The following GBE1 variants were observed in gnomAD, a reference collection of about 807,000 sequenced individuals.
The protein encoded by GBE1 is 1,4-alpha-glucan branching enzyme 1.
A neutral mutation model predicts 88.8 loss-of-function variants in GBE1; 70 were observed. The ratio of observed to expected loss-of-function variants is 0.79; its 90% CI spans 0.65 to 0.96. The LOEUF is 0.96. Among genes scored for constraint, GBE1 ranks in the 40% least tolerant of loss-of-function variants. GBE1 has a pLI of 0.00. For missense variants in GBE1, 872 were observed against 871.0 expected (o/e 1.00, Z -0.01); for synonymous variants, 284 against 300.1 (o/e 0.95, Z 0.56).
intron 2 of GBE1, among the ~76,000 whole-genome samples, chr3:81,691,305 G>A (rs180869181): frequency 1.2e-4 from 19 of 152,134 alleles, no homozygotes; most frequent in African/African-American, 4.6e-4. Flanking sequence ...AGAAAAAGGA[G>A]AACAAAAATG....
Position 81,680,664 on chromosome 3 carries a change from G to GC in GBE1, c.314-9712dup, listed in dbSNP as rs1311963088. Among the ~76,000 whole-genome samples, 3 of 152,040 alleles carry GC rather than the reference G, an allele frequency of 2.0e-5. No individual in the cohort carries two copies. The East Asian group carries it at 5.8e-4, about 29-fold the overall frequency. ...AGTATTATGGACTGAAAGTTTGTAT[G>GC]CCCCCCAAATTCATGTTAAAATCCT... On this transcript the variant is annotated intron_variant, in intron 2 of 15. Transcript: ENST00000429644.
chr3:81,707,696 A>G (rs1349939754), intron 1 of GBE1, among the ~76,000 whole-genome samples: 1 of 152,084 alleles, frequency 6.6e-6, no homozygotes, highest in Non-Finnish European at 1.5e-5. Flanking sequence ...TCATCATTAT[A>G]CTTTTTAATT....
intron 1 of GBE1, chr3:81,743,490 T>A: frequency 9.4e-7 from 1 of 1,065,812 alleles, no homozygotes; most frequent in Non-Finnish European, 1.4e-6. Flanking sequence ...AGAGAATCAA[T>A]CTTTCCAACC....
intron 7 of GBE1, chr3:81,613,011 G>A (rs2106995734): frequency 1.8e-6 from 1 of 545,554 alleles, no homozygotes; most frequent in East Asian, 6.5e-5. Context: ...AGGGGATAAG[G>A]ATGAAGGTGA....
At chr3:81,653,279 C>T (rs1424694668) in intron 3 of GBE1, among the ~76,000 whole-genome samples, 1 of 151,908 alleles carries the variant, frequency 6.6e-6, no homozygotes, top group Non-Finnish European at 1.5e-5. Flanking sequence ...GCCTGGGCAA[C>T]ATAAGGAGAC....
intron 3 of GBE1, among the ~76,000 whole-genome samples, chr3:81,659,138 T>C (rs1414252293): frequency 6.6e-6 from 1 of 151,970 alleles, no homozygotes; most frequent in Non-Finnish European, 1.5e-5. Context: ...GTAAACAGAG[T>C]TATAATCTGG....
intron 12 of GBE1, among the ~76,000 whole-genome samples, chr3:81,542,440 T>G (rs1559639437): frequency 6.6e-6 from 1 of 152,090 alleles, no homozygotes; most frequent in Non-Finnish European, 1.5e-5. Flanking sequence ...ATTTCCCAAG[T>G]TTTGAACACT....
At chr3:81,574,690 G>A (rs1559649616) in intron 12 of GBE1, among the ~76,000 whole-genome samples, 2 of 152,144 alleles carry the variant, frequency 1.3e-5, no homozygotes, top group South Asian at 2.1e-4. Flanking sequence ...TGCAAACTGA[G>A]GCATGTCCCT....
At chr3:81,761,139 G>C (rs920505701) in intron 1 of GBE1, among the ~76,000 whole-genome samples, 2 of 152,256 alleles carry the variant, frequency 1.3e-5, no homozygotes. Context: ...AGAGGGGAAA[G>C]GGGATGAGGA....
At chr3:81,667,562 A>C (rs1184595074) in intron 3 of GBE1, among the ~76,000 whole-genome samples, 6 of 152,138 alleles carry the variant, frequency 3.9e-5, no homozygotes. Flanking sequence ...TGCCCATTCA[A>C]TATGATATTA....
intron 2 of GBE1, among the ~76,000 whole-genome samples, chr3:81,681,626 A>G (rs2107131094): frequency 6.6e-6 from 1 of 152,318 alleles, no homozygotes; most frequent in Non-Finnish European, 1.5e-5. Context: ...ATAAAAACTC[A>G]TGTGTCTATG....
intron 1 of GBE1, among the ~76,000 whole-genome samples, chr3:81,717,431 C>A (rs1559697599): frequency 1.3e-5 from 2 of 152,164 alleles, no homozygotes; most frequent in Non-Finnish European, 1.5e-5. Flanking sequence ...TTTAAGTCAT[C>A]ACTAGGATAT....
Position 81,494,025 on chromosome 3 carries a change from TA to T in GBE1, c.2053-3563del, listed in dbSNP as rs1223503539. ...TTAGAGACCTCTTAATGCAATATGC[TA>T]AAAAAAAAACCCTTTGGTTCACAAT... On this transcript the variant is annotated intron_variant, in intron 15 of 15. Coordinates refer to ENST00000429644, the MANE Select transcript of GBE1 (RefSeq NM_000158.4). 9.6e-5 allele frequency among the ~76,000 whole-genome samples: 14 copies of T among 145,956 alleles called. No individual in the cohort carries two copies. The East Asian group carries it at 1.8e-3, about 19-fold the overall frequency.
At chr3:81,539,144 T>C (rs1229237837) in intron 12 of GBE1, among the ~76,000 whole-genome samples, 2 of 152,016 alleles carry the variant, frequency 1.3e-5, no homozygotes, top group African/African-American at 2.4e-5. Flanking sequence ...TACACAGTAA[T>C]TAAGGAGTTG....
At chr3:81,749,566 CAT>C (rs1337106158) in intron 1 of GBE1, among the ~76,000 whole-genome samples, 6 of 152,156 alleles carry the variant, frequency 3.9e-5, no homozygotes, top group South Asian at 2.1e-4. Context: ...TTAATATACA[CAT>C]GTGATAAAAT....
intron 1 of GBE1, among the ~76,000 whole-genome samples, chr3:81,728,154 C>T (rs1193629718): frequency 1.3e-5 from 2 of 151,828 alleles, no homozygotes; most frequent in Non-Finnish European, 2.9e-5. Flanking sequence ...GTAAAAAAAA[C>T]GATGTCAAAC....
At chr3:81,699,781 C>A (rs751454805) in intron 2 of GBE1, among the ~76,000 whole-genome samples, 1 of 152,160 alleles carries the variant, frequency 6.6e-6, no homozygotes, top group Non-Finnish European at 1.5e-5. Context: ...ATGTTAATCT[C>A]TTTTGGCAAC....
chr3:81,757,879 T>C (rs1575780727), intron 1 of GBE1, among the ~76,000 whole-genome samples: 2 of 152,172 alleles, frequency 1.3e-5, no homozygotes, highest in African/African-American at 4.8e-5. Flanking sequence ...TGAGAATGTC[T>C]AGGGAGAAAA....
intron 3 of GBE1, among the ~76,000 whole-genome samples, chr3:81,651,210 C>A (rs9823236): frequency 0.087 from 13,251 of 152,072 alleles, 1,125 homozygotes; most frequent in African/African-American, 0.22. Context: ...TCACTTGATT[C>A]CAGAAAATCT....
Sources: allele counts gnomAD v4.1 joint callset (sites outside exome capture counted in the v4.1 genomes callset), GRCh38; gene constraint gnomAD v4.1.1; transcripts MANE v1.5; gene names NCBI Gene and HGNC (gene_info 2026-07-23, HGNC 2026-07-21).